The following OTUD7A variants were observed in gnomAD, a reference collection of about 807,000 sequenced individuals.
OTUD7A encodes the protein OTU deubiquitinase 7A.
In OTUD7A, 12 loss-of-function variants were observed where a neutral mutation model predicts 65.7. That is an observed-to-expected ratio of 0.18 (90% CI 0.12 to 0.30). OTUD7A has a LOEUF of 0.30. Among genes scored for constraint, OTUD7A ranks in the 10% least tolerant of loss-of-function variants. OTUD7A has a pLI of 1.00. For synonymous variants in OTUD7A, 641 were observed against 586.3 expected (o/e 1.09, Z -1.35); for missense variants, 1,148 against 1,304.8 (o/e 0.88, Z 1.85).
At position 31,481,530 on chromosome 15, in the gene OTUD7A, T is replaced by C. The variant is rs2041119024; in HGVS notation, c.*1764A>G. 6.7e-6 allele frequency: 1 copy of C among 149,350 alleles called. No homozygotes were observed. The highest frequency in any genetic ancestry group is 1.5e-5 in the Non-Finnish European group (1 of 66,756). 9.3% of individuals were successfully genotyped at this position (149,350 alleles called of 1,614,324 possible). On this transcript the variant is annotated 3_prime_UTR_variant, in exon 13 of 13. Coordinates refer to ENST00000307050, the MANE Select transcript of OTUD7A (RefSeq NM_001382637.1). ...AGTAATTACCACACATTGAAAATAT[T>C]GTTCAGCAGGAAAAGTAAAACTTTC...
intron 5 of OTUD7A, among the ~76,000 whole-genome samples, chr15:31,540,994 T>G (rs371411142): frequency 2.6e-5 from 4 of 152,294 alleles, no homozygotes; most frequent in African/African-American, 9.6e-5. Flanking sequence ...GCTGTAATAT[T>G]TTTATTAAAT....
Position 31,739,488 on chromosome 15 carries a change from T to C in OTUD7A, c.-99-82411A>G, listed in dbSNP as rs372889702. The stretch of plus-strand genomic sequence containing the variant: ...AACTTTAGACTTAATTAGATAAATA[T>C]GCACGTTGCCATTTCTATGGTAATG... On this transcript the variant is annotated intron_variant, in intron 1 of 12. Transcript: ENST00000307050. Among the ~76,000 whole-genome samples, 314 of 152,354 alleles carry C rather than the reference T, an allele frequency of 2.1e-3. 10 individuals carry two copies. In the South Asian group the frequency reaches 0.061, roughly 30 times the overall value.
intron 3 of OTUD7A, among the ~76,000 whole-genome samples, chr15:31,602,853 G>A (rs765409413): frequency 2.0e-5 from 3 of 152,054 alleles, no homozygotes; most frequent in Non-Finnish European, 1.5e-5. Flanking sequence ...TTGCTACTAA[G>A]GGAATAAAAT....
chr15:31,665,284 T>G (rs1339651041), intron 1 of OTUD7A, among the ~76,000 whole-genome samples: 3 of 152,232 alleles, frequency 2.0e-5, no homozygotes, highest in Non-Finnish European at 4.4e-5. Flanking sequence ...ATTCTACCCA[T>G]CCATGAGCAT....
chr15:31,714,622 A>C (rs1369485128), intron 1 of OTUD7A, among the ~76,000 whole-genome samples: 3 of 152,274 alleles, frequency 2.0e-5, no homozygotes, highest in Non-Finnish European at 2.9e-5. Context: ...TACGGGCCAT[A>C]AAACAGCCCT....
At chr15:31,735,138 A>C (rs373625462) in intron 1 of OTUD7A, among the ~76,000 whole-genome samples, 2 of 152,364 alleles carry the variant, frequency 1.3e-5, no homozygotes, top group Non-Finnish European at 2.9e-5. Flanking sequence ...AATCATATGA[A>C]TAAAAGTTCA....
In OTUD7A at chr15:31,487,143, G is replaced by T; in HGVS notation, c.1371+51C>A. ...GATGCACCCTGGTCAGACTGGAGCT[G>T]AGCAGCCTGGACCCTGCTGCCAGGT... On this transcript the variant is annotated intron_variant, in intron 12 of 12. Coordinates refer to ENST00000307050, the MANE Select transcript of OTUD7A (RefSeq NM_001382637.1). This position sits in a 1 kb window ranked among gnomAD's most constrained non-coding sequence, Gnocchi z 6.0. The T allele has an allele frequency of 6.4e-7, 1 of 1,552,558 alleles. No individual in the cohort carries two copies. Among genetic ancestry groups the T allele is most frequent in the Non-Finnish European group, 8.9e-7 (1 of 1,128,616 alleles).
At chr15:31,751,160 A>C (rs911133360) in intron 1 of OTUD7A, among the ~76,000 whole-genome samples, 8 of 152,230 alleles carry the variant, frequency 5.3e-5, no homozygotes, top group African/African-American at 1.9e-4. Context: ...AAATATTCAC[A>C]AACTATGCCT....
chr15:31,507,570 G>A (rs1399090051), intron 8 of OTUD7A, among the ~76,000 whole-genome samples: 2 of 152,150 alleles, frequency 1.3e-5, no homozygotes, highest in African/African-American at 4.8e-5. Context: ...TTATTGTGGA[G>A]AGAGAAAGAA....
At chr15:31,679,874 A>G (rs955250860) in intron 1 of OTUD7A, among the ~76,000 whole-genome samples, 1 of 152,238 alleles carries the variant, frequency 6.6e-6, no homozygotes, top group African/African-American at 2.4e-5. Context: ...AATCATAGAT[A>G]TTTTAAAGTT....
intron 5 of OTUD7A, 42 bp from the exon 6 acceptor site, chr15:31,530,850 A>G: frequency 6.4e-7 from 1 of 1,562,736 alleles, no homozygotes; most frequent in Non-Finnish European, 8.8e-7. Flanking sequence ...CCAGAAAAGG[A>G]AGGGGCCACT....
intron 1 of OTUD7A, among the ~76,000 whole-genome samples, chr15:31,658,596 C>T (rs1051328606): frequency 2.0e-5 from 3 of 152,156 alleles, no homozygotes; most frequent in Admixed American, 6.5e-5. Flanking sequence ...GACAGACACA[C>T]ACATACAGGT....
intron 1 of OTUD7A, among the ~76,000 whole-genome samples, chr15:31,826,919 T>C (rs1471897060): frequency 6.6e-6 from 1 of 152,198 alleles, no homozygotes; most frequent in Admixed American, 6.5e-5. Context: ...CTTATCTCCA[T>C]CTGAGACAAC....
intron 1 of OTUD7A, among the ~76,000 whole-genome samples, chr15:31,806,411 T>G (rs1159631956): frequency 6.6e-6 from 1 of 152,252 alleles, no homozygotes; most frequent in Non-Finnish European, 1.5e-5. Context: ...CAAGCCAGCC[T>G]CTTATAATCA....
At chr15:31,688,101 AGCTACTCGGGAG>A (rs1417668588) in intron 1 of OTUD7A, among the ~76,000 whole-genome samples, 5 of 152,056 alleles carry the variant, frequency 3.3e-5, no homozygotes, top group Non-Finnish European at 7.4e-5. Context: ...CTGTAGTCCC[AGCTACTCGGGAG>A]GCTGAGACAG....
At chr15:31,818,626 C>T (rs1896608023) in intron 1 of OTUD7A, among the ~76,000 whole-genome samples, 1 of 152,212 alleles carries the variant, frequency 6.6e-6, no homozygotes, top group Non-Finnish European at 1.5e-5. Context: ...ACACTCCTAT[C>T]TCCATCAGCC....
At chr15:31,485,472 C>A (rs1306503249) in intron 12 of OTUD7A, among the ~76,000 whole-genome samples, 1 of 152,112 alleles carries the variant, frequency 6.6e-6, no homozygotes, top group African/African-American at 2.4e-5. Flanking sequence ...AAAAGTCCCC[C>A]TGGGTGGGGT....
In OTUD7A at chr15:31,483,822, A is replaced by G. The variant is rs1222441970; in HGVS notation, c.2274T>C (p.Arg758=). 9 of 987,004 alleles carry G rather than the reference A, an allele frequency of 9.1e-6. No homozygotes were observed. The highest frequency in any genetic ancestry group is 1.8e-5 in the African/African-American group (1 of 54,962). 61.1% of individuals were successfully genotyped at this position (987,004 alleles called of 1,614,324 possible). A position where few individuals can be genotyped will look rare whatever the true frequency, so the allele number is the denominator to read the frequency against. The change falls in exon 13 of 13, where the codon CGT becomes CGC. Residue 758 remains arginine (R), a synonymous_variant. Coordinates refer to ENST00000307050, the MANE Select transcript of OTUD7A (RefSeq NM_001382637.1). ...CAGGCACTGGTCCGCTGGCGCTCGC[A>G]CGCCGCGCGCCTCCCCCCGGGGAGG... The part of the protein sequence containing the change: ...GTASPGGGAR[R]ASASGPVPGR...
intron 1 of OTUD7A, among the ~76,000 whole-genome samples, chr15:31,710,272 G>T (rs1420024935): frequency 6.7e-6 from 1 of 149,854 alleles, no homozygotes; most frequent in Non-Finnish European, 1.5e-5. Context: ...CAAAGGCACT[G>T]AAGCCTTCAA....
Sources: allele counts gnomAD v4.1 joint callset (sites outside exome capture counted in the v4.1 genomes callset), GRCh38; gene constraint gnomAD v4.1.1; non-coding constraint Gnocchi (gnomAD v3.1); transcripts MANE v1.5; gene names NCBI Gene and HGNC (gene_info 2026-07-23, HGNC 2026-07-21).